Variants in RBM33 observed in about 807,000 individuals in gnomAD.
RBM33 encodes RNA-binding protein 33.
Under a neutral mutation model 132.6 loss-of-function variants are expected in RBM33, and 28 were observed. That is an observed-to-expected ratio of 0.21 (90% CI 0.16 to 0.29). The LOEUF is 0.29. RBM33 is among the 10% of genes least tolerant of loss of function. The probability of loss-of-function intolerance (pLI) is 1.00; values close to 1 mark genes in which losing one functional copy is unlikely to be tolerated. For missense variants in RBM33, 1,291 were observed against 1,518.5 expected (o/e 0.85, Z 2.49); for synonymous variants, 634 against 593.0 (o/e 1.07, Z -1.01).
chr7:155,757,041 G>T (rs888674554), intron 14 of RBM33, among the ~76,000 whole-genome samples: 1 of 152,128 alleles, frequency 6.6e-6, no homozygotes, highest in South Asian at 2.1e-4. Context: ...GGGCTGAAGT[G>T]TACCTTGAAA....
intron 2 of RBM33, among the ~76,000 whole-genome samples, chr7:155,670,547 T>C (rs1423538045): frequency 6.6e-6 from 1 of 152,220 alleles, no homozygotes; most frequent in Non-Finnish European, 1.5e-5. Flanking sequence ...TTGGATTCTC[T>C]CACTGGTGTC....
At chr7:155,704,816 C>T (rs1287643257) in intron 6 of RBM33, among the ~76,000 whole-genome samples, 1 of 152,002 alleles carries the variant, frequency 6.6e-6, no homozygotes. Context: ...TCATTAATTT[C>T]AGAGGATCTG....
In RBM33 at chr7:155,745,880, G is replaced by C. The variant is rs1801500744; in HGVS notation, c.2979+278G>C. 6.6e-6 allele frequency among the ~76,000 whole-genome samples: 1 copy of C among 152,136 alleles called. No homozygotes were observed. The highest frequency in any genetic ancestry group is 2.1e-4 in the South Asian group (1 of 4,828). Reference sequence around the variant, plus strand: ...GCCTGCTGCACACCTAGGCTATATGGTACAGCCTGTTGCTCCCTGGCCACA... The same window carrying C: ...GCCTGCTGCACACCTAGGCTATATGCTACAGCCTGTTGCTCCCTGGCCACA... On this transcript the variant is annotated intron_variant, in intron 14 of 17. Coordinates refer to ENST00000401878, the MANE Select transcript of RBM33 (RefSeq NM_053043.3). The surrounding 1 kb of genome is among the most constrained non-coding windows in gnomAD (Gnocchi z 4.1).
intron 12 of RBM33, among the ~76,000 whole-genome samples, chr7:155,740,271 C>T (rs941192693): frequency 3.9e-5 from 6 of 152,202 alleles, no homozygotes; most frequent in African/African-American, 1.4e-4. Flanking sequence ...TTTACTTAAG[C>T]ATCTTTCTTG....
intron 9 of RBM33, among the ~76,000 whole-genome samples, chr7:155,721,647 TGA>T (rs1241338136): frequency 7.1e-6 from 1 of 141,454 alleles, no homozygotes; most frequent in Non-Finnish European, 1.5e-5. Flanking sequence ...GAAATTTTGC[TGA>T]GTTATAATAC....
intron 11 of RBM33, 181 bp downstream of exon 11, chr7:155,738,584 A>G: frequency 6.4e-6 from 4 of 629,034 alleles, no homozygotes; most frequent in Admixed American, 3.4e-5. Context: ...TTATCTCAAT[A>G]CAAGAAAAAA....
chr7:155,711,063 C>A, intron 7 of RBM33, 140 bp from the exon 8 acceptor site: 1 of 1,263,234 alleles, frequency 7.9e-7, no homozygotes, highest in Non-Finnish European at 1.0e-6. Context: ...TTACTACAGA[C>A]TTCTTACATT....
chr7:155,715,016 C>T (rs1173656852), intron 8 of RBM33, among the ~76,000 whole-genome samples: 2 of 152,162 alleles, frequency 1.3e-5, no homozygotes, highest in Admixed American at 1.3e-4. Context: ...GTACAATTAA[C>T]TCCTAACCCC....
intron 6 of RBM33, among the ~76,000 whole-genome samples, chr7:155,702,413 T>G (rs1240791248): frequency 6.6e-6 from 1 of 152,234 alleles, no homozygotes; most frequent in African/African-American, 2.4e-5. Context: ...AAGATTTCCC[T>G]AGACTTTTTT....
intron 5 of RBM33, among the ~76,000 whole-genome samples, chr7:155,696,461 T>A (rs1051644187): frequency 1.3e-5 from 2 of 152,326 alleles, no homozygotes; most frequent in Middle Eastern, 3.4e-3. Flanking sequence ...ACTAGAAACA[T>A]TCAGGACAGA....
chr7:155,725,223 T>C (rs1396122341), intron 9 of RBM33, among the ~76,000 whole-genome samples: 12 of 135,712 alleles, frequency 8.8e-5, no homozygotes, highest in African/African-American at 3.3e-4. Flanking sequence ...TTTTTTTTTT[T>C]TGAATGAGGA....
intron 9 of RBM33, among the ~76,000 whole-genome samples, chr7:155,723,623 G>C (rs959115750): frequency 6.6e-6 from 1 of 152,152 alleles, no homozygotes. Context: ...AAAGAAGGTG[G>C]TTTATCAAAT....
At chr7:155,673,940 G>GTTGTTTTTTGTTTTTTTTTTTTTTTTT in intron 3 of RBM33, among the ~76,000 whole-genome samples, 4 of 54,214 alleles carry the variant, frequency 7.4e-5, no homozygotes, top group African/African-American at 3.3e-4. Context: ...TTTAGGCTTA[G>GTTGTTTTTTGTTTTTTTTTTTTTTTTT]TTTTTTTTTT....
intron 8 of RBM33, among the ~76,000 whole-genome samples, chr7:155,713,746 G>T (rs749627515): frequency 5.9e-5 from 9 of 152,210 alleles, no homozygotes; most frequent in Non-Finnish European, 1.0e-4. Flanking sequence ...AGCCAAGTGG[G>T]CTTGAGAGAA....
chr7:155,655,187 G>T (rs1361660314), intron 1 of RBM33, among the ~76,000 whole-genome samples: 4 of 152,160 alleles, frequency 2.6e-5, no homozygotes, highest in African/African-American at 9.7e-5. Context: ...ATACACAGTG[G>T]CCATACCATA....
At chr7:155,649,878 T>G (rs564049338) in intron 1 of RBM33, among the ~76,000 whole-genome samples, 15 of 152,364 alleles carry the variant, frequency 9.8e-5, no homozygotes, top group African/African-American at 2.9e-4. Context: ...AACCCCAACC[T>G]TAGCCTCACC....
At position 155,763,985 on chromosome 7, in the gene RBM33, CA is replaced by C. The variant is rs2117068752; in HGVS notation, c.3157del (p.Ser1053AlafsTer29). On this transcript the variant is annotated frameshift_variant, in exon 15 of 18. Transcript: ENST00000401878. LOFTEE classifies it high-confidence loss of function. ...HAHSPVPPGI[K>X]SIQGIHPAKK... Reference sequence around the variant, plus strand: ...CACACTCGCCTGTCCCTCCAGGGATCAAAAGCATCCAAGGAATTCACCCGGC... The same window carrying C: ...CACACTCGCCTGTCCCTCCAGGGATCAAAGCATCCAAGGAATTCACCCGGC... The C allele has an allele frequency of 6.3e-7, 1 of 1,575,352 alleles. No homozygotes were observed. Among genetic ancestry groups the C allele is most frequent in the Non-Finnish European group, 8.6e-7 (1 of 1,160,752 alleles).
intron 1 of RBM33, among the ~76,000 whole-genome samples, chr7:155,649,184 C>G (rs996705878): frequency 6.6e-5 from 10 of 152,162 alleles, no homozygotes; most frequent in African/African-American, 2.4e-4. Flanking sequence ...TATTTTTCCT[C>G]TGCTCCTTAG....
At chr7:155,689,051 C>T (rs1398972982) in intron 5 of RBM33, among the ~76,000 whole-genome samples, 3 of 152,148 alleles carry the variant, frequency 2.0e-5, no homozygotes, top group Admixed American at 6.5e-5. Flanking sequence ...GTAATGGTAC[C>T]AGCTCCTCCT....
Sources: gnomAD v4.1 joint callset for allele counts (sites outside exome capture counted in the v4.1 genomes callset) on GRCh38, gnomAD v4.1.1 for gene constraint, Gnocchi (gnomAD v3.1) non-coding constraint, MANE v1.5 for transcripts, NCBI Gene and HGNC (gene_info 2026-07-23, HGNC 2026-07-21) for gene names.